Variants in EPB41L2 observed in about 807,000 individuals in gnomAD.
EPB41L2 encodes the protein band 4.1-like protein 2.
A neutral mutation model predicts 113.0 loss-of-function variants in EPB41L2; 43 were observed. That is an observed-to-expected ratio of 0.38 (90% CI 0.30 to 0.49). The LOEUF is 0.49. Among genes scored for constraint, EPB41L2 ranks in the 20% least tolerant of loss-of-function variants. EPB41L2 has a pLI of 0.95. For missense variants in EPB41L2, 1,147 were observed against 1,223.4 expected (o/e 0.94, Z 0.93); for synonymous variants, 442 against 436.7 (o/e 1.01, Z -0.15).
chr6:130,842,101 A>G (rs1263565272), intron 19 of EPB41L2, among the ~76,000 whole-genome samples: 1 of 152,102 alleles, frequency 6.6e-6, no homozygotes, highest in Non-Finnish European at 1.5e-5. Context: ...TAGAATGTAC[A>G]CTCTTTTGGT....
At chr6:130,845,167 C>T (rs943947930) in intron 19 of EPB41L2, among the ~76,000 whole-genome samples, 3 of 152,200 alleles carry the variant, frequency 2.0e-5, no homozygotes, top group East Asian at 1.9e-4. Flanking sequence ...AAAATATACA[C>T]GAAGTGTAGC....
chr6:130,865,875 T>C (rs867719191), intron 16 of EPB41L2: 9 of 437,190 alleles, frequency 2.1e-5, no homozygotes, highest in Non-Finnish European at 3.7e-5. Flanking sequence ...ATGGACATAG[T>C]AGGTGGGACT....
chr6:130,916,608 G>A (rs13209612), intron 4 of EPB41L2, among the ~76,000 whole-genome samples: 3,012 of 152,170 alleles, frequency 0.02, 51 homozygotes, highest in Non-Finnish European at 0.034. Context: ...GGGCCCACTA[G>A]GACTCCCCTC....
chr6:131,002,326 T>C (rs567480593), intron 1 of EPB41L2, among the ~76,000 whole-genome samples: 30 of 152,220 alleles, frequency 2.0e-4, no homozygotes, highest in Admixed American at 3.9e-4. Context: ...GCTAGCACTA[T>C]GGAGTCGAGG....
At chr6:131,032,112 C>A (rs1031594613) in intron 1 of EPB41L2, among the ~76,000 whole-genome samples, 4 of 151,972 alleles carry the variant, frequency 2.6e-5, no homozygotes, top group Non-Finnish European at 5.9e-5. Context: ...AGTTATAGTC[C>A]CATATAGTCT....
At chr6:130,998,616 T>C (rs1440347997) in intron 1 of EPB41L2, among the ~76,000 whole-genome samples, 1 of 152,182 alleles carries the variant, frequency 6.6e-6, no homozygotes, top group Non-Finnish European at 1.5e-5. Flanking sequence ...TTATCTTCAG[T>C]GGACAGTACT....
chr6:130,870,313 G>T, intron 14 of EPB41L2, 187 bp from the exon 15 acceptor site: 1 of 1,550,648 alleles, frequency 6.4e-7, no homozygotes, highest in Non-Finnish European at 8.7e-7. Flanking sequence ...TGTTAACATG[G>T]AAAAAGGGGA....
intron 1 of EPB41L2, among the ~76,000 whole-genome samples, chr6:130,985,466 A>G (rs1780337650): frequency 6.6e-6 from 1 of 152,170 alleles, no homozygotes; most frequent in South Asian, 2.1e-4. Flanking sequence ...GCGTGGGACA[A>G]GAACTCGGGA....
chr6:130,885,196 C>T lies in EPB41L2; in HGVS notation c.1733G>A (p.Gly578Glu). Residue 578 changes from glycine (G) to glutamate (E), a missense_variant, in exon 12 of 20, where the codon GGA (glycine) becomes GAA (glutamate). Coordinates refer to ENST00000337057, the MANE Select transcript of EPB41L2 (RefSeq NM_001431.4). ...CACGGCAATGCTGACAAGTCCAGGT[C>T]CATAGGCTGAAATCTCCCCAGCAGC... Reference protein sequence around the residue: ...PGAAGEISAYGPGLVSIAVVQ... With the variant: ...PGAAGEISAYEPGLVSIAVVQ... 1 of 1,614,152 alleles carries T rather than the reference C, an allele frequency of 6.2e-7. No individual in the cohort carries two copies. The highest frequency in any genetic ancestry group is 8.5e-7 in the Non-Finnish European group (1 of 1,180,018).
chr6:130,903,398 T>TA (rs35123540), intron 6 of EPB41L2, among the ~76,000 whole-genome samples: 39,644 of 142,066 alleles, frequency 0.28, 7,714 homozygotes, highest in African/African-American at 0.56. Flanking sequence ...ACAAGTAGTT[T>TA]AAAAAAAAAA....
chr6:130,856,175 A>G (rs1237546530), intron 19 of EPB41L2, among the ~76,000 whole-genome samples: 1 of 152,128 alleles, frequency 6.6e-6, no homozygotes, highest in Non-Finnish European at 1.5e-5. Context: ...ATTTCTACAT[A>G]AAAAATATCT....
At chr6:131,003,171 C>A (rs1784726834) in intron 1 of EPB41L2, among the ~76,000 whole-genome samples, 1 of 151,920 alleles carries the variant, frequency 6.6e-6, no homozygotes, top group Non-Finnish European at 1.5e-5. Context: ...AAAGAGTACA[C>A]AAAATAACAC....
rs1799183713 is a variant in EPB41L2, at chr6:130,910,914, T to C, written c.811-2051A>G. Reference sequence around the variant, plus strand: ...GGATGTGGAGAAACAGGAACACTTTTACACTGTTGGTGGGAGTGTAAATTA... The same window carrying C: ...GGATGTGGAGAAACAGGAACACTTTCACACTGTTGGTGGGAGTGTAAATTA... On this transcript the variant is annotated intron_variant, in intron 4 of 19. Transcript: ENST00000337057. Among the ~76,000 whole-genome samples, 3 of 152,200 alleles carry C rather than the reference T, an allele frequency of 2.0e-5. No homozygotes were observed. The South Asian group carries it at 6.2e-4, about 32-fold the overall frequency.
chr6:130,951,312 CTTTTTTTTTTTTTTTTT>C (rs34082234), intron 3 of EPB41L2, among the ~76,000 whole-genome samples: 2 of 50,818 alleles, frequency 3.9e-5, no homozygotes, highest in African/African-American at 1.3e-4. Flanking sequence ...AGCCTCAGTA[CTTTTTTTTTTTTTTTTT>C]TTTTTTTTTT....
chr6:130,908,441 G>A (rs538606648), intron 5 of EPB41L2, among the ~76,000 whole-genome samples: 3 of 152,266 alleles, frequency 2.0e-5, no homozygotes, highest in African/African-American at 7.2e-5. Context: ...CCAAAGATGT[G>A]CATATTGAAC....
In EPB41L2 at chr6:130,968,741, T is replaced by C. The variant is rs528473139; in HGVS notation, c.-14-12242A>G. 8.6e-3 allele frequency among the ~76,000 whole-genome samples: 1,304 copies of C among 152,188 alleles called. 10 individuals are homozygous for C. The highest frequency in any genetic ancestry group is 0.021 in the South Asian group (100 of 4,824). ...GAGTGCTATAAAACCTTTTTTTTTT[T>C]TTTTTAAAGTTAAGTATTTCTACTC... On this transcript the variant is annotated intron_variant, in intron 1 of 19. Transcript: ENST00000337057.
intron 1 of EPB41L2, among the ~76,000 whole-genome samples, chr6:131,009,131 T>G (rs1289132031): frequency 2.0e-5 from 3 of 152,204 alleles, no homozygotes; most frequent in Admixed American, 1.3e-4. Flanking sequence ...ATAATCCCTA[T>G]GTGTCAAGGG....
At chr6:130,877,086 A>C (rs1168698316) in intron 14 of EPB41L2, among the ~76,000 whole-genome samples, 2 of 152,212 alleles carry the variant, frequency 1.3e-5, no homozygotes, top group African/African-American at 2.4e-5. Flanking sequence ...TCTGTGTTTC[A>C]GTTCAGCAAT....
At chr6:130,974,388 C>T (rs1213877385) in intron 1 of EPB41L2, among the ~76,000 whole-genome samples, 1 of 152,094 alleles carries the variant, frequency 6.6e-6, no homozygotes, top group Non-Finnish European at 1.5e-5. Context: ...GCAGCACGAG[C>T]TAAGATGCCT....
Sources: gnomAD v4.1 joint callset for allele counts (sites outside exome capture counted in the v4.1 genomes callset) on GRCh38, gnomAD v4.1.1 for gene constraint, MANE v1.5 for transcripts, NCBI Gene and HGNC (gene_info 2026-07-23, HGNC 2026-07-21) for gene names.